The following DMD variants were observed in gnomAD, a reference collection of about 807,000 sequenced individuals.
DMD encodes mutant dystrophin.
In DMD, 63 loss-of-function variants were observed where a neutral mutation model predicts 330.1. The observed-to-expected ratio is 0.19, with a 90% CI of 0.16 to 0.24. DMD has a LOEUF of 0.24. Ranked by LOEUF, DMD falls within the 10% of genes least tolerant of loss-of-function variation. DMD has a pLI of 1.00. For missense variants in DMD, 3,344 were observed against 2,684.1 expected, an observed-to-expected ratio of 1.25 and a Z score of -5.43; for synonymous variants, 1,223 against 959.8, an observed-to-expected ratio of 1.27 and a Z score of -5.07.
chrX:32,651,432 G>A (rs779732658), intron 9 of DMD, among the ~76,000 whole-genome samples: 21 of 111,888 alleles, frequency 1.9e-4, no homozygotes, highest in South Asian at 3.7e-4. Flanking sequence ...TGTGAGCCAC[G>A]GTGTCCGGCC....
intron 53 of DMD, among the ~76,000 whole-genome samples, chrX:31,667,621 C>G (rs763089446): frequency 1.8e-5 from 2 of 110,065 alleles, no homozygotes; most frequent in African/African-American, 6.6e-5. Flanking sequence ...AAGAGGATGA[C>G]TACAGTCAAA....
At chrX:33,060,417 G>GGC (rs1158686744) in intron 1 of DMD, among the ~76,000 whole-genome samples, 2 of 111,410 alleles carry the variant, frequency 1.8e-5, no homozygotes, top group Non-Finnish European at 3.8e-5. Context: ...GCACAGACTG[G>GGC]GCTATGAGAA....
intron 11 of DMD, among the ~76,000 whole-genome samples, chrX:32,621,604 C>T (rs746047447): frequency 8.2e-5 from 9 of 109,868 alleles, no homozygotes; most frequent in Admixed American, 5.8e-4. Context: ...GGATTATAGG[C>T]GCGAGTCCCC....
intron 67 of DMD, 148 bp from the exon 68 acceptor site, chrX:31,183,052 C>A (rs2041334527): frequency 8.0e-6 from 4 of 502,934 alleles, no homozygotes; most frequent in African/African-American, 5.0e-5. Flanking sequence ...TGGCTTTTCA[C>A]AGCTTGTTTC....
At chrX:32,748,726 C>A (rs1233695949) in intron 7 of DMD, among the ~76,000 whole-genome samples, 1 of 111,819 alleles carries the variant, frequency 8.9e-6, no homozygotes, top group Non-Finnish European at 1.9e-5. Context: ...ATATGGCAAC[C>A]AAATTATCCC....
chrX:32,406,386 G>A (rs774639765), intron 30 of DMD, among the ~76,000 whole-genome samples: 53 of 110,365 alleles, frequency 4.8e-4, no homozygotes, highest in African/African-American at 1.7e-3. Flanking sequence ...ATTGGCTGTG[G>A]GTTCATCATA....
At chrX:32,317,657 A>G (rs899944474) in intron 41 of DMD, among the ~76,000 whole-genome samples, 1 of 111,369 alleles carries the variant, frequency 9.0e-6, no homozygotes, top group Non-Finnish European at 1.9e-5. Flanking sequence ...CCCATTTATG[A>G]GTTATGAGGT....
chrX:33,136,893 G>C (rs1465797705), intron 1 of DMD, among the ~76,000 whole-genome samples: 2 of 110,954 alleles, frequency 1.8e-5, no homozygotes, highest in African/African-American at 3.3e-5. Context: ...CATTATATAT[G>C]ATGAGGTTAA....
intron 11 of DMD, among the ~76,000 whole-genome samples, chrX:32,622,748 G>A (rs2058080427): frequency 9.0e-6 from 1 of 111,285 alleles, no homozygotes; most frequent in Non-Finnish European, 1.9e-5. Flanking sequence ...TTCTACAATA[G>A]GCATTTGGAT....
At chrX:33,036,254 G>A (rs1308744532) in intron 1 of DMD, among the ~76,000 whole-genome samples, 1 of 111,627 alleles carries the variant, frequency 9.0e-6, no homozygotes, top group African/African-American at 3.2e-5. Flanking sequence ...GAAAAAGTGA[G>A]TATTAAAAGC....
chrX:33,155,685 A>T (rs1036221874), intron 1 of DMD, among the ~76,000 whole-genome samples: 2 of 110,566 alleles, frequency 1.8e-5, no homozygotes, highest in African/African-American at 6.6e-5. Flanking sequence ...CTAGCCGGGC[A>T]TGGTGGCTCG....
At chrX:32,285,343 C>G (rs1446775229) in intron 43 of DMD, among the ~76,000 whole-genome samples, 3 of 112,069 alleles carry the variant, frequency 2.7e-5, no homozygotes, top group Non-Finnish European at 5.6e-5. Flanking sequence ...TTGGAGTAGC[C>G]CGCAGAGCCT....
intron 2 of DMD, among the ~76,000 whole-genome samples, chrX:32,871,357 T>C (rs1055091347): frequency 9.0e-6 from 1 of 111,424 alleles, no homozygotes; most frequent in African/African-American, 3.3e-5. Flanking sequence ...AAGGCTTGTC[T>C]CCTTCCCCCG....
In DMD at chrX:31,197,325, C is replaced by G. The variant is rs191780603; in HGVS notation, c.9807+6636G>C. On this transcript the variant is annotated intron_variant, in intron 67 of 78. Transcript: ENST00000357033. ...GCTTTCTCATTTATGTGTTACTGAT[C>G]CTCCCACCTCAGTCTCCTGAGTAGC... Among the ~76,000 whole-genome samples the G allele has an allele frequency of 3.5e-4, 39 of 111,946 alleles. No homozygotes were observed. The East Asian group carries it at 0.011, about 31-fold the overall frequency.
At chrX:31,630,023 A>T (rs1185022484) in intron 54 of DMD, among the ~76,000 whole-genome samples, 2 of 112,592 alleles carry the variant, frequency 1.8e-5, no homozygotes, top group Non-Finnish European at 3.8e-5. Flanking sequence ...TTTTATCAGC[A>T]TCAGCTTCAT....
intron 7 of DMD, among the ~76,000 whole-genome samples, chrX:32,736,783 G>A (rs1176693081): frequency 2.1e-5 from 2 of 95,823 alleles, no homozygotes; most frequent in African/African-American, 4.2e-5. Flanking sequence ...GGGGGAGGGG[G>A]TAGGGATAGC....
At chrX:31,497,219 G>A (rs1049229415) in intron 56 of DMD, among the ~76,000 whole-genome samples, 1 of 111,994 alleles carries the variant, frequency 8.9e-6, no homozygotes, top group African/African-American at 3.2e-5. Flanking sequence ...TTTCCATACT[G>A]TTGTAGTCAA....
At chrX:32,209,660 AT>A (rs2097085940) in intron 44 of DMD, among the ~76,000 whole-genome samples, 2 of 111,126 alleles carry the variant, frequency 1.8e-5, no homozygotes. Context: ...CATTCTTCTC[AT>A]TTTTTGTAGT....
At chrX:31,772,409 C>T (rs2090394239) in intron 51 of DMD, among the ~76,000 whole-genome samples, 1 of 111,693 alleles carries the variant, frequency 9.0e-6, no homozygotes, top group Non-Finnish European at 1.9e-5. Context: ...ATATTGTTTC[C>T]TTTGGTAAAT....
Sources: allele counts gnomAD v4.1 joint callset (sites outside exome capture counted in the v4.1 genomes callset), GRCh38; gene constraint gnomAD v4.1.1; transcripts MANE v1.5; gene names NCBI Gene and HGNC (gene_info 2026-07-23, HGNC 2026-07-21).